SYNE1: variants seen among roughly 807,000 people sequenced by gnomAD.
The protein encoded by SYNE1 is nesprin-1.
Under a neutral mutation model 1,111.0 loss-of-function variants are expected in SYNE1, and 616 were observed. The observed-to-expected ratio is 0.55, with a 90% CI of 0.52 to 0.59. The LOEUF is 0.59. Among genes scored for constraint, SYNE1 ranks in the 20% least tolerant of loss-of-function variants. The probability of loss-of-function intolerance (pLI) is 0.00; values close to 1 mark genes in which losing one functional copy is unlikely to be tolerated. For missense variants in SYNE1, 10,006 were observed against 10,417.0 expected (o/e 0.96, Z 1.72); for synonymous variants, 3,855 against 3,825.8 (o/e 1.01, Z -0.28).
rs898678358 is a variant in SYNE1 at position 152,401,246 on chromosome 6, T to G, written c.6921A>C (p.Thr2307=). ...TGTCATTAATAAACTTCTCCACTTGTGTACTTTGAGCCGTGAAATCCTTCA... is the reference window on the plus strand; with the variant it reads ...TGTCATTAATAAACTTCTCCACTTGGGTACTTTGAGCCGTGAAATCCTTCA... The part of the protein sequence containing the change: ...GTLKDFTAQS[T]QVEKFINDIT... The change falls in exon 47 of 146, where the codon ACA becomes ACC. Residue 2307 remains threonine (T), a synonymous_variant. Transcript: ENST00000367255. 1 of 1,614,206 alleles carries G rather than the reference T, an allele frequency of 6.2e-7. No individual in the cohort carries two copies. Among genetic ancestry groups the G allele is most frequent in the Admixed American group, 1.7e-5 (1 of 60,024 alleles).
chr6:152,318,638 C>T (rs1345333693), intron 85 of SYNE1, among the ~76,000 whole-genome samples: 2 of 152,194 alleles, frequency 1.3e-5, no homozygotes, highest in African/African-American at 2.4e-5. Flanking sequence ...GCTCTTCTTT[C>T]GTACACACTC....
At chr6:152,353,231 G>A in intron 69 of SYNE1, 32 bp downstream of exon 69, 1 of 1,613,774 alleles carries the variant, frequency 6.2e-7, no homozygotes, top group Non-Finnish European at 8.5e-7. Flanking sequence ...GAACGGAAAG[G>A]TTGGATACAA....
intron 141 of SYNE1, 134 bp from the exon 142 acceptor site, chr6:152,135,366 G>A: frequency 3.1e-6 from 3 of 957,740 alleles, no homozygotes; most frequent in African/African-American, 1.6e-5. Flanking sequence ...TCTGAGGAAG[G>A]CACTGGTGCT....
chr6:152,472,953 G>C (rs2098815094), intron 14 of SYNE1, among the ~76,000 whole-genome samples: 1 of 152,090 alleles, frequency 6.6e-6, no homozygotes, highest in South Asian at 2.1e-4. Flanking sequence ...TTTCAAACAA[G>C]TGCAGGGAAT....
chr6:152,231,516 G>T lies in SYNE1; in HGVS notation c.20914C>A (p.Gln6972Lys). Residue 6972 changes from glutamine (Q) to lysine (K), a missense_variant, in exon 114 of 146, where the codon CAG becomes AAG. Around this residue, in one of 7 missense-constraint regions of SYNE1, gnomAD observed 2,182 missense variants for 2,287.8 expected, o/e 0.95. Coordinates refer to ENST00000367255, the MANE Select transcript of SYNE1 (RefSeq NM_182961.4). Reference protein sequence around the residue: ...CKQLTVDFVNQSVLQISSQDV... With the variant: ...CKQLTVDFVNKSVLQISSQDV... ...TGACTGCTGATTTGTAGCACGGACT[G>T]GTTCACAAAATCCACTGTCAGCTGT... is the stretch of plus-strand genomic sequence containing the variant. 6.2e-7 allele frequency: 1 copy of T among 1,613,974 alleles called. No individual in the cohort carries two copies. The highest frequency in any genetic ancestry group is 8.5e-7 in the Non-Finnish European group (1 of 1,179,992).
chr6:152,215,134 A>C, intron 121 of SYNE1, 74 bp from the exon 122 acceptor site: 1 of 1,549,910 alleles, frequency 6.5e-7, no homozygotes, highest in South Asian at 1.1e-5. Context: ...TGCGCAGTGA[A>C]TTTCTGATTT....
At chr6:152,628,217 T>C in intron 3 of SYNE1, 48 bp downstream of exon 3, 4 of 1,591,788 alleles carry the variant, frequency 2.5e-6, no homozygotes, top group Non-Finnish European at 3.4e-6. Context: ...GATTGTGGGT[T>C]AAGATGGTAT....
chr6:152,485,080 A>G, intron 12 of SYNE1, 108 bp from the exon 13 acceptor site: 2 of 1,235,698 alleles, frequency 1.6e-6, no homozygotes, highest in East Asian at 2.5e-5. Flanking sequence ...AACACTCAAT[A>G]TATGTTGTTG....
In SYNE1 at chr6:152,376,917, T is replaced by C; in HGVS notation, c.9010-5A>G. The C allele has an allele frequency of 3.7e-6, 6 of 1,613,664 alleles. No individual in the cohort carries two copies. The highest frequency in any genetic ancestry group is 5.1e-6 in the Non-Finnish European group (6 of 1,179,980). ...TTGCAAAGCATCCAGTATCTCCTGTTCAGAAATAATGAGACAAAGAAGCGA... is the reference window on the plus strand; with the variant it reads ...TTGCAAAGCATCCAGTATCTCCTGTCCAGAAATAATGAGACAAAGAAGCGA... On this transcript the variant is annotated splice_polypyrimidine_tract_variant and splice_region_variant and intron_variant, in intron 56 of 145. Transcript: ENST00000367255.
rs1239655884 is a variant in SYNE1 at position 152,376,384 on chromosome 6, T to C, written c.9321A>G (p.Ile3107Met). ...AATTAATTGATAACACCCTTACCTG[T>C]ATTTTCTGAAGACTAGTTGAAACTT... ...ISEVSTSLQK[I>M]QEFLSESENG... Residue 3107 changes from isoleucine (I) to methionine (M), a missense_variant, in exon 58 of 146, where the codon ATA becomes ATG. Transcript: ENST00000367255. 5 of 1,614,144 alleles carry C rather than the reference T, an allele frequency of 3.1e-6. No homozygotes were observed. Among genetic ancestry groups the C allele is most frequent in the South Asian group, 2.2e-5 (2 of 91,076 alleles).
At chr6:152,579,831 T>C (rs1460468516) in intron 3 of SYNE1, among the ~76,000 whole-genome samples, 1 of 152,206 alleles carries the variant, frequency 6.6e-6, no homozygotes, top group Non-Finnish European at 1.5e-5. Flanking sequence ...GCTCCATCCA[T>C]GTTGCTGTAA....
chr6:152,429,503 T>A (rs1263874025), intron 36 of SYNE1, among the ~76,000 whole-genome samples: 4 of 152,224 alleles, frequency 2.6e-5, no homozygotes, highest in African/African-American at 7.2e-5. Context: ...TGTTTTCTAT[T>A]ACATACACCT....
rs1187935886 is a variant in SYNE1, at chr6:152,376,685, C to T, written c.9146+91G>A. The T allele has an allele frequency of 2.5e-6, 4 of 1,572,668 alleles. No individual in the cohort carries two copies. The African/African-American group carries it at 5.5e-5, about 21-fold the overall frequency. On this transcript the variant is annotated intron_variant, in intron 57 of 145. Transcript: ENST00000367255. ...ACTTAGTAATATATTTAATGCTGAACTAATATTATTTTGAAATTACACCTT... is the reference window on the plus strand; with the variant it reads ...ACTTAGTAATATATTTAATGCTGAATTAATATTATTTTGAAATTACACCTT...
chr6:152,401,106 A>G (rs1216465206), intron 47 of SYNE1, 32 bp downstream of exon 47: 1 of 1,601,124 alleles, frequency 6.2e-7, no homozygotes, highest in Non-Finnish European at 8.6e-7. Flanking sequence ...CACCATTTGA[A>G]TGGAAGCACT....
chr6:152,402,775 CAG>C (rs35543666), intron 46 of SYNE1: 66,427 of 150,086 alleles, frequency 0.44, 15,384 homozygotes, highest in East Asian at 0.75. Flanking sequence ...GAGAGAGAAA[CAG>C]AGAGAGAGAG....
intron 21 of SYNE1, among the ~76,000 whole-genome samples, chr6:152,460,488 C>T (rs1277956846): frequency 2.0e-5 from 3 of 152,024 alleles, no homozygotes; most frequent in Non-Finnish European, 2.9e-5. Flanking sequence ...TATTCTCTTC[C>T]TTTCTACCTT....
At chr6:152,265,034 C>A (rs369333809) in intron 100 of SYNE1, among the ~76,000 whole-genome samples, 1 of 151,750 alleles carries the variant, frequency 6.6e-6, no homozygotes, top group African/African-American at 2.4e-5. Flanking sequence ...CATGGTGAAA[C>A]CCCATCTCTA....
intron 24 of SYNE1, among the ~76,000 whole-genome samples, chr6:152,454,738 T>C (rs556797299): frequency 6.6e-6 from 1 of 152,210 alleles, no homozygotes; most frequent in Non-Finnish European, 1.5e-5. Flanking sequence ...AGATATTTTG[T>C]GTTTTGTGGT....
chr6:152,143,817 A>G (rs747858431), intron 137 of SYNE1, 52 bp from the exon 138 acceptor site: 1 of 1,612,382 alleles, frequency 6.2e-7, no homozygotes, highest in Admixed American at 1.7e-5. Context: ...TGACTTATTT[A>G]AAGCTTGATA....
Sources: gnomAD v4.1 joint callset for allele counts (sites outside exome capture counted in the v4.1 genomes callset) on GRCh38, gnomAD v4.1.1 for gene constraint, gnomAD v4.1.1 regional missense constraint, MANE v1.5 for transcripts, NCBI Gene and HGNC (gene_info 2026-07-23, HGNC 2026-07-21) for gene names.